The following NEB variants were observed in gnomAD, a reference collection of about 807,000 sequenced individuals.
NEB encodes the protein nebulin.
A neutral mutation model predicts 952.2 loss-of-function variants in NEB; 512 were observed. That is an observed-to-expected ratio of 0.54 (90% CI 0.50 to 0.58). The LOEUF is 0.58. Ranked by LOEUF, NEB falls within the 20% of genes least tolerant of loss-of-function variation. The pLI is 0.00. For synonymous variants in NEB, 2,900 were observed against 3,149.8 expected (o/e 0.92, Z 2.66); for missense variants, 8,428 against 9,231.1 (o/e 0.91, Z 3.56).
chr2:151,492,114 A>C lies in NEB; in HGVS notation c.25041T>G (p.Asp8347Glu). 6.2e-7 allele frequency: 1 copy of C among 1,613,754 alleles called. No individual in the cohort carries two copies. Among genetic ancestry groups the C allele is most frequent in the Non-Finnish European group, 8.5e-7 (1 of 1,179,800 alleles). ...CTCAGTTACCTGTAATAGTCTCCTG[A>C]TCTTGGTCATTCCGTTTTTGTTCCA... ...VEMEQKRNDQ[D>E]QETITGLRVW... is the part of the protein sequence containing the mutation. Residue 8347 changes from aspartate (D) to glutamate (E), a missense_variant, in exon 178 of 182, where the codon GAT (aspartate) becomes GAG (glutamate). Around this residue, in one of 11 missense-constraint regions of NEB, gnomAD observed 3,374 missense variants for 3,651.5 expected, o/e 0.92. Transcript: ENST00000397345.
chr2:151,696,207 G>A (rs1167040208), intron 17 of NEB, among the ~76,000 whole-genome samples: 1 of 152,150 alleles, frequency 6.6e-6, no homozygotes, highest in African/African-American at 2.4e-5. Context: ...TTACTAGGGA[G>A]AGAGAAATTC....
rs79875240 is a variant in NEB at position 151,636,348 on chromosome 2, A to G, written c.8995-14T>C. ...TTTGTACAGACTCTAAATTTGGGGG[A>G]AAAAAAATCAGATGCTGACATTTAT... On this transcript the variant is annotated splice_polypyrimidine_tract_variant and intron_variant, in intron 63 of 181. Coordinates refer to ENST00000397345, the MANE Select transcript of NEB (RefSeq NM_001164508.2). 2,711 of 1,571,118 alleles carry G rather than the reference A, an allele frequency of 1.7e-3. 54 individuals carry two copies. The African/African-American group carries it at 0.032, about 19-fold the overall frequency.
At chr2:151,493,110 CTTG>C (rs1193479668) in intron 176 of NEB, 1 of 425,546 alleles carries the variant, frequency 2.3e-6, no homozygotes, top group Non-Finnish European at 4.2e-6. Context: ...TGGCAATTAA[CTTG>C]TTATGTTTAG....
intron 13 of NEB, among the ~76,000 whole-genome samples, chr2:151,704,944 A>G (rs562995819): frequency 6.6e-6 from 1 of 152,316 alleles, no homozygotes; most frequent in East Asian, 1.9e-4. Flanking sequence ...CCTTAGTAGC[A>G]GAGATTCTTG....
chr2:151,616,004 C>T lies in NEB; in HGVS notation c.11287G>A (p.Asp3763Asn), dbSNP rs1303866873. 6.2e-7 allele frequency: 1 copy of T among 1,607,528 alleles called. No homozygotes were observed. Among genetic ancestry groups the T allele is most frequent in the Non-Finnish European group, 8.5e-7 (1 of 1,176,034 alleles). The change falls in exon 76 of 182, where the codon GAT becomes AAT. Residue 3763 changes from aspartate (D) to asparagine (N), a missense_variant and splice_region_variant. By Grantham distance (23) the Asp-to-Asn change is conservative. Transcript: ENST00000397345. ...GCTTTTCCAAAACATCCACTTACATCACTAGCAATATCTCTTGAAGCCTTG... is the reference window on the plus strand; with the variant it reads ...GCTTTTCCAAAACATCCACTTACATTACTAGCAATATCTCTTGAAGCCTTG... ...AAKASRDIAS[D>N]YKYKEGYRKQ...
At chr2:151,640,176 G>T (rs1434835607) in intron 61 of NEB, 116 bp from the exon 62 acceptor site, 2 of 1,456,448 alleles carry the variant, frequency 1.4e-6, no homozygotes, top group East Asian at 2.3e-5. Flanking sequence ...GACGGGCCAG[G>T]TATCACACAA....
intron 155 of NEB, 78 bp downstream of exon 155, chr2:151,518,887 A>C: frequency 1.1e-6 from 1 of 873,058 alleles, no homozygotes; most frequent in Non-Finnish European, 1.9e-6. Flanking sequence ...GCAGAGAAGA[A>C]GATGCATCTG....
chr2:151,680,779 T>C lies in NEB; in HGVS notation c.2993A>G (p.Asp998Gly), dbSNP rs2148651026. 6.2e-7 allele frequency: 1 copy of C among 1,613,524 alleles called. No homozygotes were observed. The highest frequency in any genetic ancestry group is 8.5e-7 in the Non-Finnish European group (1 of 1,179,528). ...TTTAGACTGTACTGTAATTGGAGCA[T>C]CTTCAATCGAGGTAAACTTGAGGGT... ...PDTLKFTSIE[D>G]APITVQSKIN... is the part of the protein sequence containing the mutation. The change falls in exon 30 of 182, where the codon GAT becomes GGT. Residue 998 changes from aspartate (D) to glycine (G), a missense_variant. Physicochemically the swap from Asp to Gly is moderately conservative, Grantham distance 94 (BLOSUM62 -1). Coordinates refer to ENST00000397345, the MANE Select transcript of NEB (RefSeq NM_001164508.2).
At position 151,534,291 on chromosome 2, in the gene NEB, C is replaced by T. The variant is rs372284984; in HGVS notation, c.21313-745G>A. 227 of 1,613,544 alleles carry T rather than the reference C, an allele frequency of 1.4e-4. 1 individual carries two copies. The highest frequency in any genetic ancestry group is 1.1e-3 in the East Asian group (48 of 44,890). On this transcript the variant is annotated intron_variant, in intron 142 of 181. Transcript: ENST00000397345. Reference sequence around the variant, plus strand: ...GACTACCAGGTGGTATTTATCTTTCCGCTGCTCATAATCAGCTCTGTATTT... The same window carrying T: ...GACTACCAGGTGGTATTTATCTTTCTGCTGCTCATAATCAGCTCTGTATTT...
intron 23 of NEB, among the ~76,000 whole-genome samples, chr2:151,691,027 T>C (rs2099545590): frequency 6.6e-6 from 1 of 152,098 alleles, no homozygotes; most frequent in South Asian, 2.1e-4. Context: ...TTGCCTCTGG[T>C]CTGCCTACAG....
intron 10 of NEB, chr2:151,716,016 A>G (rs760235865): frequency 7.2e-6 from 2 of 278,574 alleles, no homozygotes; most frequent in Non-Finnish European, 1.4e-5. Flanking sequence ...ATAAACATTT[A>G]AAAATAGATT....
intron 165 of NEB, 138 bp from the exon 166 acceptor site, chr2:151,503,579 A>T (rs1559307697): frequency 1.8e-6 from 1 of 562,210 alleles, no homozygotes; most frequent in Non-Finnish European, 3.1e-6. Flanking sequence ...ACAGGGGGGA[A>T]AATTCCATGA....
Position 151,688,372 on chromosome 2 carries a change from C to A in NEB, c.2335G>T (p.Gly779Cys), listed in dbSNP as rs1390236645. ...SDLNYKAKHEGEKFKCHIPAD... is the reference protein window; with the variant it reads ...SDLNYKAKHECEKFKCHIPAD... Reference sequence around the variant, plus strand: ...GGTATATGGCACTTGAACTTCTCACCTTCATGTTTTGCTTTGTAATTCAGC... The same window carrying A: ...GGTATATGGCACTTGAACTTCTCACATTCATGTTTTGCTTTGTAATTCAGC... The change falls in exon 25 of 182, where the codon GGT becomes TGT. Residue 779 changes from glycine (G) to cysteine (C), a missense_variant. By Grantham distance (159) the Gly-to-Cys change is radical (BLOSUM62 -3). Transcript: ENST00000397345. 6.2e-7 allele frequency: 1 copy of A among 1,613,608 alleles called. No individual in the cohort carries two copies. The highest frequency in any genetic ancestry group is 8.5e-7 in the Non-Finnish European group (1 of 1,179,760).
At chr2:151,674,395 C>T in intron 36 of NEB, 82 bp downstream of exon 36, 1 of 1,045,848 alleles carries the variant, frequency 9.6e-7, no homozygotes, top group Non-Finnish European at 1.5e-6. Context: ...ATATTTCTTT[C>T]AATAAGGTAT....
chr2:151,684,161 T>C (rs2099464455), intron 28 of NEB, among the ~76,000 whole-genome samples: 1 of 152,172 alleles, frequency 6.6e-6, no homozygotes, highest in South Asian at 2.1e-4. Flanking sequence ...GTTAATATAC[T>C]TAACACCACT....
chr2:151,610,786 C>A lies in NEB; in HGVS notation c.11886G>T (p.Lys3962Asn), dbSNP rs2097920771. 1 of 1,608,982 alleles carries A rather than the reference C, an allele frequency of 6.2e-7. No individual in the cohort carries two copies. The highest frequency in any genetic ancestry group is 1.3e-5 in the African/African-American group (1 of 74,878). Reference protein sequence around the residue: ...MPDTPDILLAKSNSANISQKL... With the variant: ...MPDTPDILLANSNSANISQKL... The stretch of plus-strand genomic sequence containing the variant: ...CTTGGCTGATATTGGCAGAATTACT[C>A]TTGGCCAGCAGGATATCTGGGGTGT... Residue 3962 changes from lysine to asparagine, a missense_variant, in exon 79 of 182, where the codon AAG (lysine) becomes AAT (asparagine). Physicochemically the swap from Lys to Asn is moderately conservative, Grantham distance 94. Transcript: ENST00000397345.
intron 166 of NEB, 166 bp from the exon 167 acceptor site, chr2:151,503,051 A>G (rs190990358): frequency 3.4e-6 from 2 of 593,552 alleles, no homozygotes; most frequent in South Asian, 2.3e-5. Flanking sequence ...GATGAACTCT[A>G]CAATGCTAAT....
chr2:151,679,667 A>ACCCC, intron 32 of NEB, 54 bp downstream of exon 32: 3 of 486,362 alleles, frequency 6.2e-6, no homozygotes, highest in East Asian at 5.0e-5. Flanking sequence ...TCAGACCCCA[A>ACCCC]GCCCACCCAC....
intron 161 of NEB, among the ~76,000 whole-genome samples, chr2:151,509,121 C>T (rs1459487156): frequency 6.6e-6 from 1 of 152,130 alleles, no homozygotes; most frequent in African/African-American, 2.4e-5. Context: ...ATAGGAATTA[C>T]ATTTATAAGT....
Sources: gnomAD v4.1 joint callset for allele counts (sites outside exome capture counted in the v4.1 genomes callset) on GRCh38, gnomAD v4.1.1 for gene constraint, gnomAD v4.1.1 regional missense constraint, MANE v1.5 for transcripts, NCBI Gene and HGNC (gene_info 2026-07-23, HGNC 2026-07-21) for gene names.